CDYL: variants seen among roughly 807,000 people sequenced by gnomAD.
CDYL encodes chromodomain Y like, also known as chromodomain Y-like protein.
Under a neutral mutation model 47.3 loss-of-function variants are expected in CDYL, and 8 were observed. That is an observed-to-expected ratio of 0.17 (90% CI 0.10 to 0.31). The LOEUF (loss-of-function observed/expected upper bound fraction) is 0.31, where lower values mean the gene tolerates loss of function less well. Among genes scored for constraint, CDYL ranks in the 10% least tolerant of loss-of-function variants. CDYL has a pLI of 1.00. For missense variants in CDYL, 471 were observed against 701.4 expected, an observed-to-expected ratio of 0.67 and a Z score of 3.71; for synonymous variants, 266 against 265.0, an observed-to-expected ratio of 1.00 and a Z score of -0.04.
At chr6:4,716,167 G>C (rs1404243018) in intron 2 of CDYL, among the ~76,000 whole-genome samples, 1 of 151,284 alleles carries the variant, frequency 6.6e-6, no homozygotes, top group African/African-American at 2.4e-5. Context: ...AGAATGGCGT[G>C]AACCCGGGAG....
chr6:4,742,231 G>A (rs1757810368), intron 3 of CDYL, among the ~76,000 whole-genome samples: 1 of 151,874 alleles, frequency 6.6e-6, no homozygotes, highest in African/African-American at 2.4e-5. Context: ...AGCCAGGTGT[G>A]GTGGTGTGTG....
At chr6:4,744,368 G>A (rs1258078429) in intron 3 of CDYL, among the ~76,000 whole-genome samples, 2 of 152,104 alleles carry the variant, frequency 1.3e-5, no homozygotes, top group Non-Finnish European at 2.9e-5. Flanking sequence ...GGTGCTGCAT[G>A]CCTGTAGTCC....
intron 3 of CDYL, among the ~76,000 whole-genome samples, chr6:4,760,589 G>A (rs925121066): frequency 2.0e-5 from 3 of 152,140 alleles, no homozygotes; most frequent in Non-Finnish European, 4.4e-5. Flanking sequence ...GCTTCCCGAA[G>A]CAGAGGAGAA....
intron 1 of CDYL, among the ~76,000 whole-genome samples, chr6:4,832,991 C>CT (rs1304478145): frequency 8.8e-4 from 133 of 151,872 alleles, no homozygotes; most frequent in African/African-American, 2.7e-3. Flanking sequence ...TGCTAGCAGT[C>CT]TATCAATTTT....
chr6:4,724,310 C>G (rs1582282263), intron 2 of CDYL: 5 of 152,056 alleles, frequency 3.3e-5, no homozygotes, highest in African/African-American at 1.2e-4. Flanking sequence ...CTTGGCCTCC[C>G]AACGTGATGG....
At chr6:4,834,528 T>G (rs1299653716) in intron 1 of CDYL, among the ~76,000 whole-genome samples, 4 of 149,570 alleles carry the variant, frequency 2.7e-5, no homozygotes, top group African/African-American at 7.4e-5. Flanking sequence ...ATTTCAACTT[T>G]GGTGAATCTG....
At chr6:4,925,602 G>C (rs527864621) in intron 2 of CDYL, among the ~76,000 whole-genome samples, 1 of 151,908 alleles carries the variant, frequency 6.6e-6, no homozygotes, top group African/African-American at 2.4e-5. Flanking sequence ...ATTTTTAGTA[G>C]AGGCGGGGTT....
intron 2 of CDYL, among the ~76,000 whole-genome samples, chr6:4,728,403 C>T (rs1757551365): frequency 6.6e-6 from 1 of 152,182 alleles, no homozygotes; most frequent in African/African-American, 2.4e-5. Flanking sequence ...CCTCAGGTTC[C>T]TCCTCTTCAC....
At chr6:4,786,023 T>C (rs553876764) in intron 1 of CDYL, among the ~76,000 whole-genome samples, 1 of 152,278 alleles carries the variant, frequency 6.6e-6, no homozygotes, top group South Asian at 2.1e-4. Flanking sequence ...TTTTAAAAAG[T>C]GTTGCTATGT....
At position 4,850,635 on chromosome 6, in the gene CDYL, A is replaced by G. The variant is rs547517036; in HGVS notation, c.25-41078A>G. 1.2e-4 allele frequency among the ~76,000 whole-genome samples: 19 copies of G among 152,332 alleles called. No homozygotes were observed. In the South Asian group the frequency reaches 1.7e-3, roughly 13 times the overall value. On this transcript the variant is annotated intron_variant, in intron 1 of 6. Transcript: ENST00000397588. ...AACTTTGGATATAATACATTTTGTG[A>G]TAACAGTGTGGATCAAGAAGTAGAA...
At chr6:4,707,438 A>G (rs1023422821) in intron 1 of CDYL, among the ~76,000 whole-genome samples, 3 of 151,924 alleles carry the variant, frequency 2.0e-5, no homozygotes, top group African/African-American at 7.3e-5. Flanking sequence ...ACACCACACT[A>G]ATTTTTTGTA....
intron 1 of CDYL, among the ~76,000 whole-genome samples, chr6:4,808,230 CA>C (rs1759428995): frequency 6.6e-6 from 1 of 152,196 alleles, no homozygotes; most frequent in Non-Finnish European, 1.5e-5. Flanking sequence ...TCTAGGAGGA[CA>C]AAGCTTGGAA....
intron 1 of CDYL, among the ~76,000 whole-genome samples, chr6:4,859,786 C>T (rs774895910): frequency 3.9e-5 from 6 of 152,212 alleles, no homozygotes; most frequent in Non-Finnish European, 8.8e-5. Flanking sequence ...CTGGTTTTCT[C>T]TGAACACCTC....
intron 1 of CDYL, among the ~76,000 whole-genome samples, chr6:4,709,360 G>A (rs1451652776): frequency 1.3e-5 from 2 of 152,106 alleles, no homozygotes; most frequent in African/African-American, 4.8e-5. Context: ...CCCATGCCCG[G>A]CTAATTTTTG....
intron 2 of CDYL, 93 bp from the exon 3 acceptor site, chr6:4,935,422 G>A: frequency 1.9e-6 from 2 of 1,080,608 alleles, no homozygotes; most frequent in Non-Finnish European, 1.4e-6. Context: ...TCCTAAGTGT[G>A]TAATGAACAT....
intron 1 of CDYL, among the ~76,000 whole-genome samples, chr6:4,844,101 C>T (rs932185429): frequency 4.6e-5 from 7 of 152,094 alleles, no homozygotes; most frequent in South Asian, 2.1e-4. Flanking sequence ...TTTTCTCTTC[C>T]GGATCTAGTC....
intron 2 of CDYL, among the ~76,000 whole-genome samples, chr6:4,918,450 A>C (rs1757618304): frequency 6.6e-6 from 1 of 150,400 alleles, no homozygotes; most frequent in Admixed American, 6.6e-5. Flanking sequence ...TATTTGATGT[A>C]TTTTCAAAGG....
chr6:4,839,908 T>A (rs1388724539), intron 1 of CDYL, among the ~76,000 whole-genome samples: 2 of 152,166 alleles, frequency 1.3e-5, no homozygotes, highest in African/African-American at 2.4e-5. Flanking sequence ...GTGGGCAGTT[T>A]TTTGGTTCCA....
intron 1 of CDYL, among the ~76,000 whole-genome samples, chr6:4,708,998 C>A (rs1294683372): frequency 2.0e-5 from 3 of 151,848 alleles, no homozygotes; most frequent in Non-Finnish European, 4.4e-5. Flanking sequence ...CAGAGTGGGA[C>A]CCTGTCTTAA....
Sources: gnomAD v4.1 joint callset for allele counts (sites outside exome capture counted in the v4.1 genomes callset) on GRCh38, gnomAD v4.1.1 for gene constraint, MANE v1.5 for transcripts, NCBI Gene and HGNC (gene_info 2026-07-23, HGNC 2026-07-21) for gene names.